Variants in SH3BGRL observed in about 807,000 individuals in gnomAD.
The protein encoded by SH3BGRL is adapter SH3BGRL.
Under a neutral mutation model 9.8 loss-of-function variants are expected in SH3BGRL, and 7 were observed. The ratio of observed to expected loss-of-function variants is 0.72; its 90% CI spans 0.41 to 1.35. SH3BGRL has a LOEUF of 1.35. SH3BGRL is among the 40% of genes most tolerant of loss of function. The pLI, the probability that SH3BGRL is intolerant of heterozygous loss-of-function variation, is 0.01. For synonymous variants in SH3BGRL, 36 were observed against 29.1 expected (o/e 1.24, Z -0.76); for missense variants, 73 against 84.4 (o/e 0.86, Z 0.53).
At chrX:81,277,291 C>A in intron 2 of SH3BGRL, 122 bp downstream of exon 2, 1 of 566,911 alleles carries the variant, frequency 1.8e-6, no homozygotes, top group Non-Finnish European at 2.8e-6. Context: ...AGTCATTTGT[C>A]CTTTCCATCC....
chrX:81,242,356 T>A (rs2075672815), intron 1 of SH3BGRL, among the ~76,000 whole-genome samples: 1 of 111,619 alleles, frequency 9.0e-6, no homozygotes, highest in Non-Finnish European at 1.9e-5. Flanking sequence ...AAACTGGACA[T>A]CCATATGCAG....
intron 1 of SH3BGRL, among the ~76,000 whole-genome samples, chrX:81,258,498 T>G (rs1340036958): frequency 8.9e-6 from 1 of 112,432 alleles, no homozygotes; most frequent in Non-Finnish European, 1.9e-5. Flanking sequence ...TTGACTGACT[T>G]AATTAACAGC....
chrX:81,271,687 G>A (rs1679718789), intron 1 of SH3BGRL, among the ~76,000 whole-genome samples: 1 of 111,246 alleles, frequency 9.0e-6, no homozygotes, highest in Non-Finnish European at 1.9e-5. Context: ...ATATTATCCA[G>A]GAGAACTTCC....
chrX:81,227,477 T>A (rs183083260), intron 1 of SH3BGRL, among the ~76,000 whole-genome samples: 1,332 of 111,791 alleles, frequency 0.012, 9 homozygotes, highest in Non-Finnish European at 0.021. Context: ...TGGAAAACCT[T>A]AGAGTTCAAG....
intron 1 of SH3BGRL, among the ~76,000 whole-genome samples, chrX:81,206,367 C>G (rs2075547985): frequency 9.0e-6 from 1 of 111,527 alleles, no homozygotes; most frequent in Non-Finnish European, 1.9e-5. Context: ...CAGATACTAT[C>G]TCATTTTTAA....
At chrX:81,225,887 G>T (rs769347593) in intron 1 of SH3BGRL, among the ~76,000 whole-genome samples, 2 of 111,727 alleles carry the variant, frequency 1.8e-5, no homozygotes, top group Non-Finnish European at 3.8e-5. Flanking sequence ...TCTGAAGAAT[G>T]ATTTCTTTTT....
chrX:81,202,550 C>G, intron 1 of SH3BGRL: 1 of 860,343 alleles, frequency 1.2e-6, no homozygotes, highest in Non-Finnish European at 1.4e-6. Flanking sequence ...TTTAGGGTTA[C>G]GTGAAGTCAA....
intron 1 of SH3BGRL, chrX:81,202,845 T>G (rs973602700): frequency 8.9e-6 from 1 of 111,795 alleles, no homozygotes; most frequent in African/African-American, 3.3e-5. Context: ...GACGTAAATT[T>G]TTTTTTAACT....
chrX:81,285,961 T>G (rs1044748502), intron 3 of SH3BGRL, among the ~76,000 whole-genome samples: 4 of 112,080 alleles, frequency 3.6e-5, no homozygotes, highest in Admixed American at 2.8e-4. Flanking sequence ...AAAAAATAAT[T>G]GAAACCAATG....
At chrX:81,207,747 C>T (rs912449724) in intron 1 of SH3BGRL, among the ~76,000 whole-genome samples, 2 of 111,668 alleles carry the variant, frequency 1.8e-5, no homozygotes, top group African/African-American at 6.5e-5. Flanking sequence ...AAAATGGCAG[C>T]TTTCACATGG....
chrX:81,232,972 T>A (rs937189241), intron 1 of SH3BGRL, among the ~76,000 whole-genome samples: 1 of 111,832 alleles, frequency 8.9e-6, no homozygotes, highest in African/African-American at 3.2e-5. Context: ...TTTTGGTGCC[T>A]TCTTAAATTT....
intron 1 of SH3BGRL, among the ~76,000 whole-genome samples, chrX:81,204,771 G>A (rs1265307799): frequency 1.8e-5 from 2 of 111,890 alleles, no homozygotes; most frequent in Non-Finnish European, 3.8e-5. Flanking sequence ...GCGGTGAGCA[G>A]AGATCGCACC....
At chrX:81,252,482 A>G (rs966474364) in intron 1 of SH3BGRL, among the ~76,000 whole-genome samples, 1 of 112,173 alleles carries the variant, frequency 8.9e-6, no homozygotes, top group Non-Finnish European at 1.9e-5. Context: ...CTGTCTCACC[A>G]TGGAAACTGG....
chrX:81,278,421 C>A lies in SH3BGRL; in HGVS notation c.312+10C>A, dbSNP rs1402375669. 9.2e-6 allele frequency: 10 copies of A among 1,084,204 alleles called. No homozygotes were observed. The highest frequency in any genetic ancestry group is 1.3e-5 in the Non-Finnish European group (10 of 793,783). 89.4% of individuals were successfully genotyped at this position (1,084,204 alleles called of 1,213,427 possible). A position where few individuals can be genotyped will look rare whatever the true frequency, so the allele number is the denominator to read the frequency against. The stretch of plus-strand genomic sequence containing the variant: ...CCCACCTGGTTCAAAGGTATGATAC[C>A]CTTTTTTTCCTGTTTTATAGGTCAT... On this transcript the variant is annotated intron_variant, in intron 3 of 3. Coordinates refer to ENST00000373212, the MANE Select transcript of SH3BGRL (RefSeq NM_003022.3).
At chrX:81,266,485 G>A (rs182300865) in intron 1 of SH3BGRL, among the ~76,000 whole-genome samples, 44 of 111,748 alleles carry the variant, frequency 3.9e-4, no homozygotes, top group African/African-American at 1.3e-3. Flanking sequence ...TTGCTTGCGT[G>A]TGTCAGATTT....
At chrX:81,243,729 A>T (rs2147689223) in intron 1 of SH3BGRL, among the ~76,000 whole-genome samples, 1 of 111,436 alleles carries the variant, frequency 9.0e-6, no homozygotes, top group Admixed American at 9.5e-5. Context: ...AAAAATAAGT[A>T]AATTCTTACT....
rs868038514 is a variant in SH3BGRL at position 81,264,487 on chromosome X, C to T, written c.46-12497C>T. ...ACTCAACAAATGTTAGTCTTCTGTC[C>T]GTAAACGATTTTATCCTGTGCATAT... On this transcript the variant is annotated intron_variant, in intron 1 of 3. Coordinates refer to ENST00000373212, the MANE Select transcript of SH3BGRL (RefSeq NM_003022.3). Among the ~76,000 whole-genome samples the T allele has an allele frequency of 5.4e-5, 6 of 111,814 alleles. No individual in the cohort carries two copies. The Admixed American group carries it at 5.7e-4, about 11-fold the overall frequency.
intron 1 of SH3BGRL, among the ~76,000 whole-genome samples, chrX:81,240,137 A>G (rs1020875128): frequency 4.5e-5 from 5 of 112,339 alleles, no homozygotes; most frequent in African/African-American, 1.6e-4. Flanking sequence ...TATCACTGTA[A>G]CTGTGGTGTG....
intron 1 of SH3BGRL, among the ~76,000 whole-genome samples, chrX:81,207,448 T>G (rs2075550886): frequency 8.9e-6 from 1 of 112,429 alleles, no homozygotes; most frequent in African/African-American, 3.2e-5. Context: ...GTGTAATTAG[T>G]CACTAGTCAC....
Sources: gnomAD v4.1 joint callset for allele counts (sites outside exome capture counted in the v4.1 genomes callset) on GRCh38, gnomAD v4.1.1 for gene constraint, MANE v1.5 for transcripts, NCBI Gene and HGNC (gene_info 2026-07-23, HGNC 2026-07-21) for gene names.